Variants in DNAJC16 observed in about 807,000 individuals in gnomAD.
DNAJC16 encodes the protein dnaJ homolog subfamily C member 16.
DNAJC16 carries 76 observed loss-of-function variants against 92.7 expected under a neutral mutation model. The ratio of observed to expected loss-of-function variants is 0.82; its 90% CI spans 0.68 to 0.99. The LOEUF is 0.99. DNAJC16 is among the 50% of genes least tolerant of loss of function. The pLI is 0.00. For missense variants in DNAJC16, 869 were observed against 942.4 expected, an observed-to-expected ratio of 0.92 and a Z score of 1.02; for synonymous variants, 328 against 358.7, an observed-to-expected ratio of 0.91 and a Z score of 0.97.
intron 7 of DNAJC16, among the ~76,000 whole-genome samples, chr1:15,550,264 G>A (rs190006009): frequency 5.3e-5 from 8 of 152,284 alleles, no homozygotes; most frequent in South Asian, 2.1e-4. Flanking sequence ...TTGGTCTTTC[G>A]GAACAGTTTA....
chr1:15,566,098 C>T lies in DNAJC16; in HGVS notation c.1696C>T (p.Arg566Ter), dbSNP rs934865780. 8.1e-6 allele frequency: 13 copies of T among 1,613,410 alleles called. No homozygotes were observed. Among genetic ancestry groups the T allele is most frequent in the African/African-American group, 2.7e-5 (2 of 74,690 alleles). ...VQAFSDSNDE[R>*]ESSPPEKEEA... ...TTACTTTAGCGACTCTAATGATGAG[C>T]GAGAGTCAAGCCCTCCAGAAAAAGA... is the stretch of plus-strand genomic sequence containing the variant. Residue 566 changes from arginine to a stop codon, truncating the protein, a stop_gained, in exon 13 of 15, where the codon CGA becomes TGA. Transcript: ENST00000375847. LOFTEE classifies it high-confidence loss of function.
intron 7 of DNAJC16, among the ~76,000 whole-genome samples, chr1:15,554,419 C>A (rs1479507477): frequency 2.6e-5 from 4 of 152,038 alleles, no homozygotes; most frequent in Non-Finnish European, 5.9e-5. Flanking sequence ...TTCCTTGTTT[C>A]TATTTAAGAT....
intron 10 of DNAJC16, 24 bp from the exon 11 acceptor site, chr1:15,564,259 A>G: frequency 6.4e-7 from 1 of 1,566,068 alleles, no homozygotes; most frequent in Non-Finnish European, 8.8e-7. Flanking sequence ...AGTCCTGACC[A>G]TCATCCATTT....
intron 9 of DNAJC16, 81 bp from the exon 10 acceptor site, chr1:15,563,848 A>C (rs1570930232): frequency 5.7e-6 from 1 of 175,732 alleles, no homozygotes; most frequent in Non-Finnish European, 8.2e-6. Context: ...AGACTCCGTC[A>C]AAAAAAAAAA....
In DNAJC16 at chr1:15,567,919, T is replaced by G; in HGVS notation, c.2091T>G (p.Tyr697Ter). The change falls in exon 15 of 15, where the codon TAT becomes TAG. Residue 697 changes from tyrosine (Y) to a stop codon, truncating the protein, a stop_gained. Coordinates refer to ENST00000375847, the MANE Select transcript of DNAJC16 (RefSeq NM_015291.4). LOFTEE classifies it high-confidence loss of function. ...KHFMERDYTG[Y>*]VLALNGHKKY... Reference sequence around the variant, plus strand: ...TCATGGAGCGTGACTACACTGGTTATGTACTGGCTCTGAATGGCCACAAGA... The same window carrying G: ...TCATGGAGCGTGACTACACTGGTTAGGTACTGGCTCTGAATGGCCACAAGA... The G allele has an allele frequency of 6.2e-7, 1 of 1,614,234 alleles. No individual in the cohort carries two copies. Among genetic ancestry groups the G allele is most frequent in the Non-Finnish European group, 8.5e-7 (1 of 1,180,040 alleles).
At chr1:15,548,572 A>T in intron 7 of DNAJC16, 144 bp downstream of exon 7, 1 of 823,592 alleles carries the variant, frequency 1.2e-6, no homozygotes, top group Non-Finnish European at 1.8e-6. Context: ...TTTTTTATCT[A>T]ACTTGGTACC....
At chr1:15,542,076 C>T (rs1710944054) in intron 4 of DNAJC16, 2 of 152,186 alleles carry the variant, frequency 1.3e-5, no homozygotes, top group African/African-American at 4.8e-5. Context: ...GTTTCACCCT[C>T]ATCCTCCAGA....
At position 15,566,140 on chromosome 1, in the gene DNAJC16, A is replaced by G; in HGVS notation, c.1738A>G (p.Thr580Ala). The G allele has an allele frequency of 6.2e-7, 1 of 1,613,980 alleles. No homozygotes were observed. Among genetic ancestry groups the G allele is most frequent in the African/African-American group, 1.3e-5 (1 of 74,964 alleles). The part of the protein sequence containing the change: ...PPEKEEAQEK[T>A]GKTEPSFTKE... ...AGAAAAAGAGGAAGCCCAAGAGAAG[A>G]CTGGGAAAACTGAGCCAAGCTTCAC... The change falls in exon 13 of 15, where the codon ACT becomes GCT. Residue 580 changes from threonine (T) to alanine (A), a missense_variant. Thr to Ala is a moderately conservative substitution (Grantham distance 58). Coordinates refer to ENST00000375847, the MANE Select transcript of DNAJC16 (RefSeq NM_015291.4).
At chr1:15,541,813 A>G (rs1379490077) in intron 4 of DNAJC16, among the ~76,000 whole-genome samples, 2 of 152,174 alleles carry the variant, frequency 1.3e-5, no homozygotes, top group Non-Finnish European at 2.9e-5. Context: ...AAATATATGT[A>G]TATTTTGGTG....
At chr1:15,538,380 G>A (rs1710843654) in intron 4 of DNAJC16, among the ~76,000 whole-genome samples, 2 of 151,416 alleles carry the variant, frequency 1.3e-5, no homozygotes, top group South Asian at 4.2e-4. Flanking sequence ...GGGTGACAGA[G>A]CGAGACTCTG....
intron 4 of DNAJC16, 58 bp downstream of exon 4, chr1:15,536,872 A>G: frequency 1.4e-6 from 2 of 1,445,596 alleles, no homozygotes; most frequent in Non-Finnish European, 1.9e-6. Context: ...TTTTTTCAAG[A>G]TGGAGTCTTG....
chr1:15,555,896 CAGG>C (rs1273414833), intron 7 of DNAJC16, among the ~76,000 whole-genome samples: 1 of 150,098 alleles, frequency 6.7e-6, no homozygotes, highest in African/African-American at 2.5e-5. Flanking sequence ...GAGGCTGAGG[CAGG>C]AGAATCACTT....
intron 3 of DNAJC16, among the ~76,000 whole-genome samples, chr1:15,536,072 C>CTTTTTTTTTTTTTTTTTT (rs758451008): frequency 2.4e-5 from 2 of 84,612 alleles, no homozygotes; most frequent in African/African-American, 5.1e-5. Context: ...CTTTTCTTTT[C>CTTTTTTTTTTTTTTTTTT]TTTTTTTTTT....
Position 15,536,562 on chromosome 1 carries a change from CGA to C in DNAJC16, c.326_327del (p.Glu109ValfsTer8). On this transcript the variant is annotated frameshift_variant, in exon 4 of 15. Coordinates refer to ENST00000375847, the MANE Select transcript of DNAJC16 (RefSeq NM_015291.4). LOFTEE classifies it high-confidence loss of function. ...GGGCTACCAGAAGCAGCAACAGCAG[CGA>C]GAGTATCGCTTCCGCCATTTCCATG... ...NQGYQKQQQQ[R>X]EYRFRHFHEN... 1 of 1,614,130 alleles carries C rather than the reference CGA, an allele frequency of 6.2e-7. No homozygotes were observed. Among genetic ancestry groups the C allele is most frequent in the Non-Finnish European group, 8.5e-7 (1 of 1,180,032 alleles).
At chr1:15,555,385 CAAA>C (rs138122400) in intron 7 of DNAJC16, among the ~76,000 whole-genome samples, 6 of 105,806 alleles carry the variant, frequency 5.7e-5, no homozygotes, top group Non-Finnish European at 9.7e-5. Context: ...GACTCCATCT[CAAA>C]AAAAAAAAAA....
At chr1:15,567,063 C>A (rs1471540348) in intron 13 of DNAJC16, 36 bp from the exon 14 acceptor site, 1 of 1,588,744 alleles carries the variant, frequency 6.3e-7, no homozygotes, top group Non-Finnish European at 8.6e-7. Flanking sequence ...TCCCCCTATC[C>A]TGACAGCATC....
At chr1:15,554,914 C>G (rs1290723990) in intron 7 of DNAJC16, among the ~76,000 whole-genome samples, 6 of 151,840 alleles carry the variant, frequency 4.0e-5, no homozygotes, top group East Asian at 1.9e-4. Context: ...CATGATATAT[C>G]TGTTTCATTT....
At position 15,558,203 on chromosome 1, in the gene DNAJC16, CAG is replaced by C. The variant is rs1383458093; in HGVS notation, c.1024-1322_1024-1321del. Among the ~76,000 whole-genome samples, 308 of 115,850 alleles carry C rather than the reference CAG, an allele frequency of 2.7e-3. 4 individuals are homozygous for C. The highest frequency in any genetic ancestry group is 0.01 in the African/African-American group (296 of 29,576). The allele number at this position is 115,850 out of a possible 152,430, so 76.0% of individuals were successfully genotyped here. A position where few individuals can be genotyped will look rare whatever the true frequency, so the allele number is the denominator to read the frequency against. ...TTTTTTTTTTTTTTTTTTCTTGAGA[CAG>C]GGTCTCAGTCTGTCACACAGGCTAG... On this transcript the variant is annotated intron_variant, in intron 7 of 14. Transcript: ENST00000375847.
Position 15,560,534 on chromosome 1 carries a change from A to G in DNAJC16, c.1154+878A>G, listed in dbSNP as rs371039041. 8.5e-5 allele frequency among the ~76,000 whole-genome samples: 13 copies of G among 152,328 alleles called. No homozygotes were observed. The East Asian group carries it at 2.1e-3, about 25-fold the overall frequency. ...TTACACCTTCTCAGGTGAATGAATCAGTAGCTTTAAATTTAGGGCTGTTTC... is the reference window on the plus strand; with the variant it reads ...TTACACCTTCTCAGGTGAATGAATCGGTAGCTTTAAATTTAGGGCTGTTTC... On this transcript the variant is annotated intron_variant, in intron 8 of 14. Coordinates refer to ENST00000375847, the MANE Select transcript of DNAJC16 (RefSeq NM_015291.4).
Sources: allele counts gnomAD v4.1 joint callset (sites outside exome capture counted in the v4.1 genomes callset), GRCh38; gene constraint gnomAD v4.1.1; transcripts MANE v1.5; gene names NCBI Gene and HGNC (gene_info 2026-07-23, HGNC 2026-07-21).